TLE4: variants seen among roughly 807,000 people sequenced by gnomAD.
TLE4 encodes TLE family member 4, transcriptional corepressor, also known as transducin-like enhancer protein 4.
TLE4 carries 8 observed loss-of-function variants against 92.8 expected under a neutral mutation model. That is an observed-to-expected ratio of 0.09 (90% CI 0.05 to 0.16). The LOEUF is 0.16. Ranked by LOEUF, TLE4 falls within the 10% of genes least tolerant of loss-of-function variation. The pLI is 1.00. For missense variants in TLE4, 675 were observed against 997.6 expected (o/e 0.68, Z 4.36); for synonymous variants, 371 against 374.1 (o/e 0.99, Z 0.10).
chr9:79,596,134 C>T (rs1380493305), intron 4 of TLE4, among the ~76,000 whole-genome samples: 3 of 152,160 alleles, frequency 2.0e-5, no homozygotes, highest in Non-Finnish European at 4.4e-5. Flanking sequence ...GCGTGAGGAA[C>T]CGCGCCCGGC....
intron 4 of TLE4, among the ~76,000 whole-genome samples, chr9:79,585,356 C>G (rs1173816504): frequency 1.3e-5 from 2 of 152,170 alleles, no homozygotes; most frequent in East Asian, 1.9e-4. Context: ...GGGTTTGACT[C>G]AAGGTCAGAA....
At chr9:79,676,388 A>G (rs1050434754) in intron 8 of TLE4, among the ~76,000 whole-genome samples, 21 of 152,140 alleles carry the variant, frequency 1.4e-4, no homozygotes, top group African/African-American at 4.3e-4. Flanking sequence ...ATAAATCACT[A>G]TGATATGCAG....
chr9:79,715,224 G>C (rs1193619581), intron 14 of TLE4, among the ~76,000 whole-genome samples: 1 of 152,180 alleles, frequency 6.6e-6, no homozygotes, highest in Non-Finnish European at 1.5e-5. Flanking sequence ...TTCTAGACTA[G>C]AGAATGAGAT....
At chr9:79,673,780 A>G (rs368609659) in intron 8 of TLE4, among the ~76,000 whole-genome samples, 1 of 152,192 alleles carries the variant, frequency 6.6e-6, no homozygotes, top group Non-Finnish European at 1.5e-5. Flanking sequence ...ACAGGGTACA[A>G]CCTGATCAAA....
intron 2 of TLE4, 45 bp from the exon 3 acceptor site, chr9:79,574,828 G>T (rs1305177092): frequency 6.6e-7 from 1 of 1,519,796 alleles, no homozygotes; most frequent in Non-Finnish European, 9.1e-7. Flanking sequence ...GTTGAAGGAT[G>T]TAAGTTAAGA....
In TLE4 at chr9:79,683,051, A is replaced by G. The variant is rs940228146; in HGVS notation, c.610-21732A>G. On this transcript the variant is annotated intron_variant, in intron 8 of 19. Transcript: ENST00000376552. Reference sequence around the variant, plus strand: ...ATAGTTTTTACATCTTTGACAGGGCATAAACAAGTAAACAAAGAAAAAAAT... The same window carrying G: ...ATAGTTTTTACATCTTTGACAGGGCGTAAACAAGTAAACAAAGAAAAAAAT... Among the ~76,000 whole-genome samples, 9 of 152,248 alleles carry G rather than the reference A, an allele frequency of 5.9e-5. 1 individual carries two copies. Among genetic ancestry groups the G allele is most frequent in the African/African-American group, 9.6e-5 (4 of 41,472 alleles).
At chr9:79,692,468 T>C (rs2067273385) in intron 8 of TLE4, among the ~76,000 whole-genome samples, 1 of 152,180 alleles carries the variant, frequency 6.6e-6, no homozygotes, top group African/African-American at 2.4e-5. Flanking sequence ...GACTTGGCCA[T>C]TGCCTTTTAG....
intron 8 of TLE4, among the ~76,000 whole-genome samples, chr9:79,695,773 A>G (rs983147717): frequency 6.6e-6 from 1 of 152,230 alleles, no homozygotes; most frequent in Non-Finnish European, 1.5e-5. Context: ...AAGATGTGAC[A>G]TTTAAGCTGA....
chr9:79,720,523 A>G (rs2075445569), intron 16 of TLE4, among the ~76,000 whole-genome samples: 1 of 151,992 alleles, frequency 6.6e-6, no homozygotes, highest in African/African-American at 2.4e-5. Context: ...TTTCTGTAGT[A>G]CTTGAACTTC....
chr9:79,628,601 A>G (rs1176779405), intron 6 of TLE4, among the ~76,000 whole-genome samples: 1 of 151,616 alleles, frequency 6.6e-6, no homozygotes, highest in Non-Finnish European at 1.5e-5. Context: ...CCAAAAAAAC[A>G]AAAAAAACCT....
intron 8 of TLE4, among the ~76,000 whole-genome samples, chr9:79,688,534 G>A (rs1374571030): frequency 2.6e-5 from 4 of 151,914 alleles, no homozygotes; most frequent in Non-Finnish European, 5.9e-5. Context: ...CTTTAAGCTT[G>A]TAAATAGAAG....
intron 5 of TLE4, 133 bp downstream of exon 5, chr9:79,612,851 C>T: frequency 1.4e-6 from 1 of 735,038 alleles, no homozygotes; most frequent in East Asian, 2.6e-5. Context: ...TTCTAAGAAA[C>T]AGTGTTCTCA....
At chr9:79,719,804 A>G (rs1398016723) in intron 15 of TLE4, among the ~76,000 whole-genome samples, 1 of 152,208 alleles carries the variant, frequency 6.6e-6, no homozygotes, top group Non-Finnish European at 1.5e-5. Context: ...GAGTGGGTCT[A>G]GAGCTTTGCA....
chr9:79,668,875 A>G, intron 8 of TLE4: 7 of 972,796 alleles, frequency 7.2e-6, no homozygotes, highest in Non-Finnish European at 7.3e-6. Context: ...TGAAATAGCA[A>G]AAGCATGTCA....
intron 11 of TLE4, chr9:79,707,127 G>A (rs2071824535): frequency 3.7e-6 from 6 of 1,612,946 alleles, no homozygotes; most frequent in Non-Finnish European, 5.1e-6. Context: ...GGATAGAAGA[G>A]GGATATGGGG....
chr9:79,576,189 C>T lies in TLE4; in HGVS notation c.252+12C>T. 6.6e-7 allele frequency: 1 copy of T among 1,520,382 alleles called. No homozygotes were observed. The highest frequency in any genetic ancestry group is 8.9e-7 in the Non-Finnish European group (1 of 1,121,462). The allele number at this position is 1,520,382 out of a possible 1,614,324, so 94.2% of individuals were successfully genotyped here. The stretch of plus-strand genomic sequence containing the variant: ...AAATGCACAAGCAGGTAAGTTATTT[C>T]TTTATAACCATTTTAAATGACAGTA... On this transcript the variant is annotated intron_variant, in intron 4 of 19. Coordinates refer to ENST00000376552, the MANE Select transcript of TLE4 (RefSeq NM_007005.6).
chr9:79,601,002 A>G (rs529867681), intron 4 of TLE4, among the ~76,000 whole-genome samples: 1 of 152,320 alleles, frequency 6.6e-6, no homozygotes, highest in Non-Finnish European at 1.5e-5. Context: ...GTGCTCTCCT[A>G]GGGTGCTTCT....
chr9:79,697,210 A>G (rs1244870398), intron 8 of TLE4, among the ~76,000 whole-genome samples: 1 of 152,198 alleles, frequency 6.6e-6, no homozygotes, highest in Admixed American at 6.5e-5. Context: ...GAGGAGGTCC[A>G]TTGGATTGAA....
At chr9:79,616,547 C>A (rs2049667857) in intron 5 of TLE4, among the ~76,000 whole-genome samples, 1 of 152,140 alleles carries the variant, frequency 6.6e-6, no homozygotes. Context: ...GATTATCTTC[C>A]TCTCTAATGT....
Sources: gnomAD v4.1 joint callset for allele counts (sites outside exome capture counted in the v4.1 genomes callset) on GRCh38, gnomAD v4.1.1 for gene constraint, MANE v1.5 for transcripts, NCBI Gene and HGNC (gene_info 2026-07-23, HGNC 2026-07-21) for gene names.